The following BCKDHB variants were observed in gnomAD, a reference collection of about 807,000 sequenced individuals.
BCKDHB encodes the protein branched chain keto acid dehydrogenase E1 subunit beta.
Under a neutral mutation model 48.5 loss-of-function variants are expected in BCKDHB, and 41 were observed. The observed-to-expected ratio is 0.85, with a 90% confidence interval of 0.66 to 1.10. The LOEUF is 1.10. Ranked by LOEUF, BCKDHB falls within the 50% of genes least tolerant of loss-of-function variation. The pLI is 0.00. For missense variants in BCKDHB, 496 were observed against 494.2 expected (o/e 1.00, Z -0.03); for synonymous variants, 201 against 174.8 (o/e 1.15, Z -1.18).
intron 6 of BCKDHB, among the ~76,000 whole-genome samples, chr6:80,198,512 G>A (rs969650989): frequency 9.2e-5 from 14 of 151,978 alleles, no homozygotes; most frequent in African/African-American, 3.4e-4. Context: ...TTATATAAAT[G>A]TCATTGGATT....
chr6:80,160,749 C>T (rs1772271294), intron 3 of BCKDHB, among the ~76,000 whole-genome samples: 1 of 152,148 alleles, frequency 6.6e-6, no homozygotes, highest in African/African-American at 2.4e-5. Flanking sequence ...TGATCTTCAA[C>T]AAGTGAGAAA....
the BCKDHB span, among the ~76,000 whole-genome samples, chr6:80,380,450 G>GACCT: frequency 6.6e-6 from 1 of 151,868 alleles, no homozygotes; most frequent in East Asian, 1.9e-4. Context: ...ATGGATTGAA[G>GACCT]ACCTAAACAT....
At chr6:80,213,932 G>A (rs1027119621) in intron 8 of BCKDHB, among the ~76,000 whole-genome samples, 4 of 152,252 alleles carry the variant, frequency 2.6e-5, no homozygotes, top group Non-Finnish European at 5.9e-5. Context: ...AAAGGAGCTA[G>A]AAGTAATTCA....
chr6:80,201,338 G>A (rs1378451843), intron 7 of BCKDHB, among the ~76,000 whole-genome samples: 1 of 152,016 alleles, frequency 6.6e-6, no homozygotes, highest in East Asian at 1.9e-4. Context: ...GGGGGTGGGG[G>A]CGAGGACACT....
chr6:80,294,463 T>C (rs1417371013), intron 9 of BCKDHB, among the ~76,000 whole-genome samples: 2 of 152,200 alleles, frequency 1.3e-5, no homozygotes, highest in African/African-American at 4.8e-5. Context: ...TCTGACCGCC[T>C]GTGGGGTTGG....
intron 9 of BCKDHB, among the ~76,000 whole-genome samples, chr6:80,281,640 A>G (rs1017837926): frequency 6.6e-6 from 1 of 152,170 alleles, no homozygotes; most frequent in African/African-American, 2.4e-5. Flanking sequence ...AGTTAGAGCT[A>G]GGTTTGATCT....
At chr6:80,130,931 A>G (rs563880164) in intron 3 of BCKDHB, among the ~76,000 whole-genome samples, 10 of 152,312 alleles carry the variant, frequency 6.6e-5, no homozygotes, top group African/African-American at 1.7e-4. Context: ...GACTCAGTGT[A>G]GTAGCATGCC....
chr6:80,398,162 T>TA, the BCKDHB span, among the ~76,000 whole-genome samples: 8 of 149,962 alleles, frequency 5.3e-5, no homozygotes, highest in East Asian at 7.8e-4. Context: ...ACATCACAAC[T>TA]AAAAAAAAAT....
chr6:80,208,855 G>T (rs767676312), intron 8 of BCKDHB, among the ~76,000 whole-genome samples: 1 of 151,806 alleles, frequency 6.6e-6, no homozygotes, highest in African/African-American at 2.4e-5. Flanking sequence ...TAGTCCTTAT[G>T]CAAACCCTTA....
chr6:80,159,123 T>G (rs1486795581), intron 3 of BCKDHB, among the ~76,000 whole-genome samples: 3 of 152,184 alleles, frequency 2.0e-5, no homozygotes, highest in Non-Finnish European at 2.9e-5. Context: ...AGGTTAGTCC[T>G]GTTTGCCTAG....
chr6:80,184,755 G>T (rs935997356), intron 6 of BCKDHB, among the ~76,000 whole-genome samples: 1 of 152,274 alleles, frequency 6.6e-6, no homozygotes, highest in East Asian at 1.9e-4. Context: ...GGAGGCTAAA[G>T]ATAGGACCCT....
At chr6:80,337,187 A>G (rs771178349) in intron 9 of BCKDHB, among the ~76,000 whole-genome samples, 2 of 152,144 alleles carry the variant, frequency 1.3e-5, no homozygotes, top group Non-Finnish European at 2.9e-5. Context: ...ACTATGGGCA[A>G]ATGTTCATGG....
chr6:80,333,266 A>C (rs2128011172), intron 9 of BCKDHB, among the ~76,000 whole-genome samples: 1 of 152,316 alleles, frequency 6.6e-6, no homozygotes, highest in South Asian at 2.1e-4. Flanking sequence ...CCTGTGTGAT[A>C]GTGGTCACCT....
chr6:80,115,109 C>T (rs1486746558), intron 1 of BCKDHB, among the ~76,000 whole-genome samples: 1 of 152,206 alleles, frequency 6.6e-6, no homozygotes, highest in East Asian at 1.9e-4. Flanking sequence ...TGGTACCTTA[C>T]AAAGGCAATT....
chr6:80,445,908 T>C, the BCKDHB span, among the ~76,000 whole-genome samples: 1 of 152,168 alleles, frequency 6.6e-6, no homozygotes. Flanking sequence ...AGTGAATAAA[T>C]AAATACCATA....
At chr6:80,252,044 G>A (rs1489572868) in intron 8 of BCKDHB, among the ~76,000 whole-genome samples, 1 of 152,208 alleles carries the variant, frequency 6.6e-6, no homozygotes, top group Non-Finnish European at 1.5e-5. Context: ...AGCTTTGTGT[G>A]CATTATTTCA....
intron 9 of BCKDHB, among the ~76,000 whole-genome samples, chr6:80,317,007 C>A (rs1768482044): frequency 6.6e-6 from 1 of 152,142 alleles, no homozygotes; most frequent in South Asian, 2.1e-4. Context: ...TAAATTAGGA[C>A]TCTCACTGGG....
chr6:80,293,364 C>T (rs987963184), intron 9 of BCKDHB, among the ~76,000 whole-genome samples: 1 of 152,236 alleles, frequency 6.6e-6, no homozygotes, highest in Non-Finnish European at 1.5e-5. Flanking sequence ...TACGTGGAAG[C>T]TGCCATGGCT....
At chr6:80,297,542 A>G (rs1026667536) in intron 9 of BCKDHB, among the ~76,000 whole-genome samples, 25 of 152,186 alleles carry the variant, frequency 1.6e-4, no homozygotes, top group Admixed American at 8.5e-4. Flanking sequence ...TTTCTCTTTA[A>G]AGCATGCCTT....
Sources: gnomAD v4.1 joint callset for allele counts (sites outside exome capture counted in the v4.1 genomes callset) on GRCh38, gnomAD v4.1.1 for gene constraint, MANE v1.5 for transcripts, NCBI Gene and HGNC (gene_info 2026-07-23, HGNC 2026-07-21) for gene names.